Variants in LGR6 observed in about 807,000 individuals in gnomAD.
LGR6 encodes leucine rich repeat containing G protein-coupled receptor 6, also known as leucine-rich repeat-containing G protein-coupled receptor 6.
Under a neutral mutation model 69.4 loss-of-function variants are expected in LGR6, and 45 were observed. That is an observed-to-expected ratio of 0.65 (90% CI 0.51 to 0.83). The LOEUF (loss-of-function observed/expected upper bound fraction) is 0.83. Among genes scored for constraint, LGR6 ranks in the 40% least tolerant of loss-of-function variants. The pLI is 0.00. For synonymous variants in LGR6, 538 were observed against 555.0 expected, an observed-to-expected ratio of 0.97 and a Z score of 0.43; for missense variants, 1,108 against 1,246.7, an observed-to-expected ratio of 0.89 and a Z score of 1.68.
chr1:202,246,519 A>G (rs2148043090), intron 4 of LGR6, among the ~76,000 whole-genome samples: 1 of 149,100 alleles, frequency 6.7e-6, no homozygotes, highest in East Asian at 2.0e-4. Context: ...AATGCCTAAC[A>G]CAAGAGATAC....
At chr1:202,222,550 C>A (rs1165777043) in intron 1 of LGR6, among the ~76,000 whole-genome samples, 2 of 152,162 alleles carry the variant, frequency 1.3e-5, no homozygotes, top group East Asian at 3.9e-4. Context: ...CGAGACACAT[C>A]CAGAAATGCA....
intron 1 of LGR6, among the ~76,000 whole-genome samples, chr1:202,216,925 G>C (rs934813928): frequency 1.3e-5 from 2 of 152,240 alleles, no homozygotes; most frequent in African/African-American, 2.4e-5. Flanking sequence ...CAGGCTCTCT[G>C]AGAGCCACAA....
rs1305595105 is a variant in LGR6, at chr1:202,227,951, C to T, written c.300C>T (p.Asn100=). 1 of 1,613,820 alleles carries T rather than the reference C, an allele frequency of 6.2e-7. No homozygotes were observed. Among genetic ancestry groups the T allele is most frequent in the Non-Finnish European group, 8.5e-7 (1 of 1,179,732 alleles). The change falls in exon 3 of 18, where the codon AAC becomes AAT. Residue 100 remains asparagine (N), a synonymous_variant. Coordinates refer to ENST00000367278, the MANE Select transcript of LGR6 (RefSeq NM_001017403.2). ...TGATTTCCAGGCGTCTCTCTGGGAA[C>T]CATCTCTCACACATCCCAGGACAAG... ...RFLEELRLSG[N]HLSHIPGQAF... is the part of the protein sequence containing the mutation.
chr1:202,273,677 G>A (rs1258455245), intron 4 of LGR6, among the ~76,000 whole-genome samples: 1 of 151,824 alleles, frequency 6.6e-6, no homozygotes. Context: ...GGCTGGTCTC[G>A]AACTCCGACA....
intron 4 of LGR6, among the ~76,000 whole-genome samples, chr1:202,253,795 A>ATTT (rs71141469): frequency 1.0e-4 from 5 of 47,960 alleles, no homozygotes; most frequent in Admixed American, 3.7e-4. Flanking sequence ...CGCCTGGCTA[A>ATTT]TTTTTTTTTT....
chr1:202,247,835 G>C (rs2148048387), intron 4 of LGR6, among the ~76,000 whole-genome samples: 1 of 152,304 alleles, frequency 6.6e-6, no homozygotes. Context: ...AGAGAGGTAA[G>C]AGAAGGCTCA....
chr1:202,209,847 T>G (rs1659394037), intron 1 of LGR6, among the ~76,000 whole-genome samples: 1 of 152,142 alleles, frequency 6.6e-6, no homozygotes, highest in African/African-American at 2.4e-5. Flanking sequence ...TCAAGCTTAT[T>G]CATGGAATAA....
At chr1:202,202,782 A>G (rs929111518) in intron 1 of LGR6, among the ~76,000 whole-genome samples, 1 of 152,210 alleles carries the variant, frequency 6.6e-6, no homozygotes, top group African/African-American at 2.4e-5. Context: ...GCCGAGAATG[A>G]GACCCAGAGG....
At chr1:202,228,056 G>A in intron 3 of LGR6, 49 bp downstream of exon 3, 1 of 1,368,270 alleles carries the variant, frequency 7.3e-7, no homozygotes, top group Non-Finnish European at 1.0e-6. Flanking sequence ...CACTGAGAAT[G>A]GTGAGCAAAT....
intron 1 of LGR6, among the ~76,000 whole-genome samples, chr1:202,197,916 G>T (rs557024395): frequency 6.6e-6 from 1 of 152,182 alleles, no homozygotes; most frequent in Non-Finnish European, 1.5e-5. Context: ...GGTGTCTCAC[G>T]CAGCTAGTTG....
chr1:202,274,181 C>CT (rs1665352185), intron 4 of LGR6, among the ~76,000 whole-genome samples: 1 of 152,202 alleles, frequency 6.6e-6, no homozygotes, highest in South Asian at 2.1e-4. Context: ...CTCTAGCTTA[C>CT]TGGTGTGCTT....
At chr1:202,218,367 T>C (rs1659922782) in intron 1 of LGR6, among the ~76,000 whole-genome samples, 1 of 152,190 alleles carries the variant, frequency 6.6e-6, no homozygotes, top group Non-Finnish European at 1.5e-5. Context: ...GGTACTACCC[T>C]AGCTCACTGC....
Position 202,304,540 on chromosome 1 carries a change from GTC to G in LGR6, c.999-15_999-14del. ...GGGCCCTGGGCCTGGTGCCAGCTCT[GTC>G]TCTGTTCTCCCTGCAGGACCCTGAC... On this transcript the variant is annotated splice_polypyrimidine_tract_variant and intron_variant, in intron 10 of 17. Transcript: ENST00000367278. 1.3e-6 allele frequency: 2 copies of G among 1,590,756 alleles called. No homozygotes were observed. Among genetic ancestry groups the G allele is most frequent in the Non-Finnish European group, 1.7e-6 (2 of 1,162,506 alleles).
intron 4 of LGR6, among the ~76,000 whole-genome samples, chr1:202,248,907 C>T (rs1440504998): frequency 1.3e-5 from 2 of 152,124 alleles, no homozygotes; most frequent in African/African-American, 2.4e-5. Context: ...GCACAGGTGA[C>T]CCTGGCCCCC....
At chr1:202,257,290 A>C (rs998486411) in intron 4 of LGR6, among the ~76,000 whole-genome samples, 3 of 152,100 alleles carry the variant, frequency 2.0e-5, no homozygotes, top group African/African-American at 7.2e-5. Flanking sequence ...GAAGCACAAA[A>C]GTTTTTAATT....
intron 6 of LGR6, among the ~76,000 whole-genome samples, chr1:202,292,403 C>G (rs1388941982): frequency 6.6e-6 from 1 of 152,180 alleles, no homozygotes; most frequent in Non-Finnish European, 1.5e-5. Context: ...ATGGCACAAA[C>G]ACAATAGAAG....
intron 9 of LGR6, 84 bp from the exon 10 acceptor site, chr1:202,303,195 A>C: frequency 9.5e-7 from 1 of 1,049,750 alleles, no homozygotes; most frequent in East Asian, 2.4e-5. Flanking sequence ...GGAGTCCCGG[A>C]GGGGAGACAA....
chr1:202,242,050 G>A (rs970846794), intron 4 of LGR6, among the ~76,000 whole-genome samples: 8 of 152,200 alleles, frequency 5.3e-5, no homozygotes, highest in African/African-American at 1.9e-4. Context: ...ATGATGTGCT[G>A]GTGTGCTCGT....
At chr1:202,313,415 C>T (rs1250199065) in intron 16 of LGR6, among the ~76,000 whole-genome samples, 1 of 151,938 alleles carries the variant, frequency 6.6e-6, no homozygotes, top group African/African-American at 2.4e-5. Flanking sequence ...CACCCCCTGA[C>T]CCCCCAAAGT....
Sources: allele counts gnomAD v4.1 joint callset (sites outside exome capture counted in the v4.1 genomes callset), GRCh38; gene constraint gnomAD v4.1.1; transcripts MANE v1.5; gene names NCBI Gene and HGNC (gene_info 2026-07-23, HGNC 2026-07-21).